C12orf42: variants seen among roughly 807,000 people sequenced by gnomAD.
The protein encoded by C12orf42 is uncharacterized protein C12orf42.
Under a neutral mutation model 21.6 loss-of-function variants are expected in C12orf42, and 25 were observed. The ratio of observed to expected loss-of-function variants is 1.16; its 90% confidence interval spans 0.84 to 1.62. The LOEUF (loss-of-function observed/expected upper bound fraction) is 1.62, where lower values mean the gene tolerates loss of function less well. Ranked by LOEUF, C12orf42 falls within the 40% of genes most tolerant of loss-of-function variation. The pLI, the probability that C12orf42 is intolerant of heterozygous loss-of-function variation, is 0.00. For synonymous variants in C12orf42, 174 were observed against 175.0 expected, an observed-to-expected ratio of 0.99 and a Z score of 0.05; for missense variants, 483 against 459.3, an observed-to-expected ratio of 1.05 and a Z score of -0.47.
chr12:103,406,072 A>T (rs952392125), intron 2 of C12orf42, among the ~76,000 whole-genome samples: 2 of 152,156 alleles, frequency 1.3e-5, no homozygotes, highest in Non-Finnish European at 2.9e-5. Context: ...AACAGACCCA[A>T]TGCCTTTCCC....
chr12:103,368,890 G>C lies in C12orf42; in HGVS notation c.256C>G (p.Pro86Ala). ...TTGGGATTATGTCTTAATTTACCTG[G>C]AAAATTCAGAAAGTGTAGACTACGA... is the stretch of plus-strand genomic sequence containing the variant. ...KFRSLHFLNF[P>A]VFPERTQNSM... Residue 86 changes from proline to alanine, a missense_variant, in exon 4 of 6, where the codon CCA (proline) becomes GCA (alanine). Transcript: ENST00000548883. The C allele has an allele frequency of 2.0e-6, 3 of 1,524,088 alleles. No homozygotes were observed. The highest frequency in any genetic ancestry group is 2.4e-5 in the South Asian group (2 of 84,814). 94.4% of individuals were successfully genotyped at this position (1,524,088 alleles called of 1,614,324 possible).
intron 2 of C12orf42, 23 bp downstream of exon 2, chr12:103,478,326 A>T: frequency 6.6e-7 from 1 of 1,515,242 alleles, no homozygotes; most frequent in Non-Finnish European, 9.0e-7. Flanking sequence ...AAGTAAGAAA[A>T]TATAGTATCT....
At chr12:103,197,337 T>C in the C12orf42 span, among the ~76,000 whole-genome samples, 1 of 152,222 alleles carries the variant, frequency 6.6e-6, no homozygotes, top group Non-Finnish European at 1.5e-5. Context: ...TTTCCTCAGC[T>C]TGGTCTATTC....
At chr12:103,520,871 A>G in the C12orf42 span, among the ~76,000 whole-genome samples, 1 of 152,166 alleles carries the variant, frequency 6.6e-6, no homozygotes, top group African/African-American at 2.4e-5. Context: ...TCCTATTCAT[A>G]CTTCAAGACC....
At chr12:103,378,359 T>C (rs1038148314) in intron 3 of C12orf42, among the ~76,000 whole-genome samples, 2 of 152,174 alleles carry the variant, frequency 1.3e-5, no homozygotes, top group Non-Finnish European at 2.9e-5. Context: ...GGAGTATCCA[T>C]CCAGCTTCTT....
intron 4 of C12orf42, among the ~76,000 whole-genome samples, chr12:103,320,128 C>G (rs1416038717): frequency 6.6e-6 from 1 of 152,112 alleles, no homozygotes; most frequent in Non-Finnish European, 1.5e-5. Context: ...ACAGGTGACA[C>G]CAACAAGGCA....
At chr12:103,303,131 A>T (rs1256149532) in intron 5 of C12orf42, among the ~76,000 whole-genome samples, 2 of 152,182 alleles carry the variant, frequency 1.3e-5, no homozygotes, top group East Asian at 3.8e-4. Flanking sequence ...TCACACACAC[A>T]TATCCACTAA....
the C12orf42 span, among the ~76,000 whole-genome samples, chr12:103,552,632 A>G: frequency 6.6e-6 from 1 of 152,200 alleles, no homozygotes; most frequent in Non-Finnish European, 1.5e-5. Flanking sequence ...TATTTGGTAC[A>G]AATACTGGGT....
intron 4 of C12orf42, among the ~76,000 whole-genome samples, chr12:103,319,966 T>C (rs2039927375): frequency 6.6e-6 from 1 of 152,200 alleles, no homozygotes; most frequent in African/African-American, 2.4e-5. Context: ...CAGCCATTGT[T>C]CAAGGCCAAC....
the C12orf42 span, among the ~76,000 whole-genome samples, chr12:103,512,551 A>G: frequency 7.9e-5 from 12 of 152,344 alleles, no homozygotes; most frequent in South Asian, 2.5e-3. Context: ...CATTCTATGC[A>G]TGTAATAAGA....
At chr12:103,517,550 T>A in the C12orf42 span, among the ~76,000 whole-genome samples, 4 of 152,212 alleles carry the variant, frequency 2.6e-5, no homozygotes, top group African/African-American at 9.6e-5. Flanking sequence ...ACATTAGACC[T>A]TTTTAGGTAA....
chr12:103,403,722 G>A (rs960120205), intron 2 of C12orf42, among the ~76,000 whole-genome samples: 2 of 152,188 alleles, frequency 1.3e-5, no homozygotes, highest in Non-Finnish European at 2.9e-5. Context: ...GGCCCATCCC[G>A]ATAATTTGCG....
chr12:103,194,549 A>G, the C12orf42 span, among the ~76,000 whole-genome samples: 54 of 152,272 alleles, frequency 3.5e-4, no homozygotes, highest in Middle Eastern at 3.4e-3. Context: ...AGAAAATTCA[A>G]AAAACAATTT....
the C12orf42 span, among the ~76,000 whole-genome samples, chr12:103,118,722 C>T: frequency 1.3e-4 from 18 of 137,716 alleles, no homozygotes; most frequent in Admixed American, 3.2e-4. Flanking sequence ...GGTGTGAGCC[C>T]GGAAGGCAGA....
chr12:103,085,931 C>T, the C12orf42 span, among the ~76,000 whole-genome samples: 1 of 152,158 alleles, frequency 6.6e-6, no homozygotes. Flanking sequence ...GCTGACTTGC[C>T]AATTTCGCCA....
At chr12:103,164,749 A>G in the C12orf42 span, 2 of 454,734 alleles carry the variant, frequency 4.4e-6, no homozygotes, top group African/African-American at 4.0e-5. Flanking sequence ...ATTCCATGTA[A>G]CACTCCAGAC....
At chr12:103,543,983 T>C in the C12orf42 span, among the ~76,000 whole-genome samples, 1 of 150,474 alleles carries the variant, frequency 6.6e-6, no homozygotes, top group Non-Finnish European at 1.5e-5. Context: ...AAGTTCCACC[T>C]CCCGGGTTCA....
At chr12:103,562,627 T>C in the C12orf42 span, among the ~76,000 whole-genome samples, 1 of 152,198 alleles carries the variant, frequency 6.6e-6, no homozygotes. Context: ...GATTTTACCA[T>C]TTCAGAAATT....
chr12:103,147,623 C>CTTTTTTTTTTTTTTTT, the C12orf42 span, among the ~76,000 whole-genome samples: 4 of 99,312 alleles, frequency 4.0e-5, no homozygotes, highest in Non-Finnish European at 5.6e-5. Flanking sequence ...TTCTCTCTCT[C>CTTTTTTTTTTTTTTTT]TTTTTTTTTT....
Sources: gnomAD v4.1 joint callset for allele counts (sites outside exome capture counted in the v4.1 genomes callset) on GRCh38, gnomAD v4.1.1 for gene constraint, MANE v1.5 for transcripts, NCBI Gene and HGNC (gene_info 2026-07-23, HGNC 2026-07-21) for gene names.